The following DUSP16 variants were observed in gnomAD, a reference collection of about 807,000 sequenced individuals.
DUSP16 encodes the protein dual specificity protein phosphatase 16.
In DUSP16, 21 loss-of-function variants were observed where a neutral mutation model predicts 58.3. The observed-to-expected ratio is 0.36, with a 90% CI of 0.26 to 0.52. DUSP16 has a LOEUF of 0.52. Among genes scored for constraint, DUSP16 ranks in the 20% least tolerant of loss-of-function variants. The pLI is 0.94. For missense variants in DUSP16, 726 were observed against 819.0 expected (o/e 0.89, Z 1.39); for synonymous variants, 320 against 323.8 (o/e 0.99, Z 0.12).
In DUSP16 at chr12:12,543,422, TA is replaced by T. The variant is rs747284216; in HGVS notation, c.-366+18694del. On this transcript the variant is annotated intron_variant, in intron 1 of 6. Transcript: ENST00000298573. The stretch of plus-strand genomic sequence containing the variant: ...CTGGTAATAGTAGATGCTGTTCTTT[TA>T]TTTTTTTCTGTAAATTTAAAATTAT... Among the ~76,000 whole-genome samples the T allele has an allele frequency of 2.9e-3, 441 of 152,338 alleles. 1 individual carries two copies. Among genetic ancestry groups the T allele is most frequent in the Non-Finnish European group, 4.5e-3 (308 of 68,030 alleles).
At chr12:12,512,412 G>A (rs1592185493) in intron 3 of DUSP16, among the ~76,000 whole-genome samples, 1 of 152,074 alleles carries the variant, frequency 6.6e-6, no homozygotes. Flanking sequence ...TCACCATGCT[G>A]TACAATAGGT....
intron 1 of DUSP16, among the ~76,000 whole-genome samples, chr12:12,557,589 G>C (rs959044033): frequency 6.7e-6 from 1 of 148,608 alleles, no homozygotes; most frequent in Admixed American, 6.7e-5. Flanking sequence ...AATTCATTTG[G>C]ACTGCACATG....
chr12:12,481,742 AAAG>A (rs1943569930), intron 5 of DUSP16, among the ~76,000 whole-genome samples: 1 of 152,164 alleles, frequency 6.6e-6, no homozygotes, highest in Admixed American at 6.5e-5. Flanking sequence ...ACACTCAAAC[AAAG>A]AATTGCATGC....
chr12:12,556,019 C>A (rs1320655197), intron 1 of DUSP16, among the ~76,000 whole-genome samples: 1 of 151,898 alleles, frequency 6.6e-6, no homozygotes, highest in Admixed American at 6.6e-5. Context: ...CCAGCTTGGG[C>A]GACAGAGTAA....
Position 12,476,677 on chromosome 12 carries a change from A to G in DUSP16, c.*156T>C. On this transcript the variant is annotated 3_prime_UTR_variant, in exon 7 of 7. Transcript: ENST00000298573. ...ATCTCTCAAATGCAGATGTTAAGAG[A>G]GTAACAACTGGGTTGATCCACCTGT... The G allele has an allele frequency of 1.6e-6, 1 of 619,102 alleles. No individual in the cohort carries two copies. The highest frequency in any genetic ancestry group is 2.7e-6 in the Non-Finnish European group (1 of 365,644). The allele number at this position is 619,102 out of a possible 1,614,324, so 38.4% of individuals were successfully genotyped here.
At chr12:12,559,298 C>A (rs969324138) in intron 1 of DUSP16, among the ~76,000 whole-genome samples, 1 of 152,174 alleles carries the variant, frequency 6.6e-6, no homozygotes, top group Non-Finnish European at 1.5e-5. Context: ...CAGTAAATTT[C>A]TTTTAAAGCC....
chr12:12,525,966 G>A (rs1944300893), intron 1 of DUSP16, among the ~76,000 whole-genome samples: 2 of 152,030 alleles, frequency 1.3e-5, no homozygotes, highest in African/African-American at 4.8e-5. Context: ...ATGAAGTTAT[G>A]GAAATTATCT....
Position 12,482,576 on chromosome 12 carries a change from C to T in DUSP16, c.692-2230G>A, listed in dbSNP as rs560518996. Among the ~76,000 whole-genome samples, 4 of 152,244 alleles carry T rather than the reference C, an allele frequency of 2.6e-5. No individual in the cohort carries two copies. In the East Asian group the frequency reaches 5.8e-4, roughly 22 times the overall value. On this transcript the variant is annotated intron_variant, in intron 5 of 6. Coordinates refer to ENST00000298573, the MANE Select transcript of DUSP16 (RefSeq NM_030640.3). ...GCAGAGAGGAGAAGGGAAATGTGTG[C>T]GAGAAAGCCCTGCAGTGGGACTGAG...
chr12:12,522,224 G>A (rs1437118785), intron 1 of DUSP16, among the ~76,000 whole-genome samples: 1 of 152,128 alleles, frequency 6.6e-6, no homozygotes, highest in Non-Finnish European at 1.5e-5. Context: ...AGTTGCTTAA[G>A]GCCCTGTAAG....
intron 1 of DUSP16, among the ~76,000 whole-genome samples, chr12:12,525,731 T>TACAC (rs35552389): frequency 0.023 from 3,407 of 146,150 alleles, 41 homozygotes; most frequent in Non-Finnish European, 0.028. Context: ...AATATATGTA[T>TACAC]ACACACACAC....
chr12:12,538,562 A>G (rs1944505649), intron 1 of DUSP16, among the ~76,000 whole-genome samples: 1 of 152,248 alleles, frequency 6.6e-6, no homozygotes, highest in Non-Finnish European at 1.5e-5. Flanking sequence ...GCAAATTTTA[A>G]TAGGCTCCTG....
Position 12,477,805 on chromosome 12 carries a change from G to A in DUSP16, c.1026C>T (p.Ala342=), listed in dbSNP as rs755958341. 52 of 1,613,828 alleles carry A rather than the reference G, an allele frequency of 3.2e-5. No individual in the cohort carries two copies. The highest frequency in any genetic ancestry group is 4.0e-5 in the African/African-American group (3 of 74,878). Residue 342 remains alanine, a synonymous_variant, in exon 7 of 7, where the codon GCC becomes GCT. Transcript: ENST00000298573. This position sits in a 1 kb window ranked among gnomAD's most constrained non-coding sequence, Gnocchi z 4.1. ...KSETPLSPPC[A]DSATSEAAGQ... is the part of the protein sequence containing the mutation. ...CTGCTGCCTCTGAGGTAGCAGAGTCGGCACAGGGTGGACTGAGGGGCGTCT... is the reference window on the plus strand; with the variant it reads ...CTGCTGCCTCTGAGGTAGCAGAGTCAGCACAGGGTGGACTGAGGGGCGTCT...
intron 1 of DUSP16, among the ~76,000 whole-genome samples, chr12:12,551,879 AGAC>A (rs1428052956): frequency 6.6e-6 from 1 of 151,982 alleles, no homozygotes; most frequent in Non-Finnish European, 1.5e-5. Context: ...TTTTTAGTAG[AGAC>A]GGGGTTTCAC....
intron 1 of DUSP16, among the ~76,000 whole-genome samples, chr12:12,527,621 CTT>C (rs1944324543): frequency 6.6e-6 from 1 of 152,100 alleles, no homozygotes; most frequent in Admixed American, 6.5e-5. Context: ...ATAATATGTA[CTT>C]TTATTTATAA....
chr12:12,502,483 T>C (rs1260130458), intron 3 of DUSP16, among the ~76,000 whole-genome samples: 2 of 152,104 alleles, frequency 1.3e-5, no homozygotes, highest in African/African-American at 4.8e-5. Context: ...GGATCCATTA[T>C]AGAAATCACA....
At chr12:12,507,768 C>T (rs1944018758) in intron 3 of DUSP16, among the ~76,000 whole-genome samples, 1 of 152,196 alleles carries the variant, frequency 6.6e-6, no homozygotes. Context: ...CGCCATCATG[C>T]CCGGCTAATT....
intron 5 of DUSP16, among the ~76,000 whole-genome samples, chr12:12,486,559 T>C (rs1288939355): frequency 2.0e-5 from 3 of 151,754 alleles, no homozygotes; most frequent in African/African-American, 4.8e-5. Flanking sequence ...ATTATTGGCA[T>C]GTGGACCCCG....
chr12:12,481,842 AC>A (rs2136190877), intron 5 of DUSP16, among the ~76,000 whole-genome samples: 1 of 152,138 alleles, frequency 6.6e-6, no homozygotes, highest in East Asian at 1.9e-4. Flanking sequence ...GCTATCATTT[AC>A]CCCACGTTAC....
At chr12:12,485,656 G>A (rs1053132594) in intron 5 of DUSP16, among the ~76,000 whole-genome samples, 2 of 151,616 alleles carry the variant, frequency 1.3e-5, no homozygotes, top group African/African-American at 4.8e-5. Context: ...GACCACAGGT[G>A]CACTGGTAGA....
Sources: gnomAD v4.1 joint callset for allele counts (sites outside exome capture counted in the v4.1 genomes callset) on GRCh38, gnomAD v4.1.1 for gene constraint, Gnocchi (gnomAD v3.1) non-coding constraint, MANE v1.5 for transcripts, NCBI Gene and HGNC (gene_info 2026-07-23, HGNC 2026-07-21) for gene names.